The following HELLS variants were observed in gnomAD, a reference collection of about 807,000 sequenced individuals.
The protein encoded by HELLS is helicase, lymphoid specific, also known as lymphoid-specific helicase.
HELLS carries 32 observed loss-of-function variants against 120.0 expected under a neutral mutation model. That is an observed-to-expected ratio of 0.27 (90% CI 0.20 to 0.36). The LOEUF is 0.36. Among genes scored for constraint, HELLS ranks in the 10% least tolerant of loss-of-function variants. The pLI, the probability that HELLS is intolerant of heterozygous loss-of-function variation, is 1.00. For missense variants in HELLS, 650 were observed against 993.4 expected (o/e 0.65, Z 4.65); for synonymous variants, 341 against 323.4 (o/e 1.05, Z -0.58).
chr10:94,546,350 C>A, intron 1 of HELLS, 27 bp from the exon 2 acceptor site: 1 of 1,613,564 alleles, frequency 6.2e-7, no homozygotes, highest in East Asian at 2.2e-5. Context: ...TTTAAAACTG[C>A]AATTTGAAAG....
At chr10:94,599,609 A>T (rs189111061) in intron 21 of HELLS, among the ~76,000 whole-genome samples, 37 of 152,312 alleles carry the variant, frequency 2.4e-4, no homozygotes, top group African/African-American at 8.4e-4. Flanking sequence ...TGTCTGCCTC[A>T]TCCTCCTAAA....
intron 3 of HELLS, among the ~76,000 whole-genome samples, chr10:94,557,488 T>C (rs1394803388): frequency 6.6e-6 from 1 of 152,214 alleles, no homozygotes; most frequent in Non-Finnish European, 1.5e-5. Context: ...AGGAATAAGT[T>C]GATCCCTTTT....
chr10:94,558,893 G>A (rs983004586), intron 4 of HELLS, among the ~76,000 whole-genome samples: 4 of 152,100 alleles, frequency 2.6e-5, no homozygotes, highest in Admixed American at 6.6e-5. Context: ...GAGCCACCAC[G>A]CCCAGCCTGT....
At chr10:94,576,972 ATGAT>A (rs1844522835) in intron 10 of HELLS, 167 bp downstream of exon 10, 4 of 612,708 alleles carry the variant, frequency 6.5e-6, no homozygotes, top group Middle Eastern at 5.1e-4. Flanking sequence ...TATTAACAGA[ATGAT>A]TGGGATGAAG....
chr10:94,558,091 T>TA (rs1318556472), intron 3 of HELLS, 48 bp from the exon 4 acceptor site: 2 of 1,540,152 alleles, frequency 1.3e-6, no homozygotes, highest in East Asian at 2.4e-5. Flanking sequence ...GTTTTTTTTT[T>TA]AAATGTTGCA....
chr10:94,561,055 CAA>C (rs1204575500), intron 4 of HELLS, among the ~76,000 whole-genome samples: 1 of 119,662 alleles, frequency 8.4e-6, no homozygotes, highest in African/African-American at 3.1e-5. Context: ...GACTCTGTCT[CAA>C]AAAAAAAAAC....
rs1844311821 is a variant in HELLS at position 94,573,973 on chromosome 10, C to T, written c.491C>T (p.Ser164Phe). The T allele has an allele frequency of 6.2e-7, 1 of 1,601,834 alleles. No individual in the cohort carries two copies. The highest frequency in any genetic ancestry group is 8.5e-7 in the Non-Finnish European group (1 of 1,169,870). Residue 164 changes from serine (S) to phenylalanine (F), a missense_variant, in exon 8 of 22, where the codon TCC becomes TTC. By Grantham distance (155) the Ser-to-Phe change is radical. This residue lies in a region of HELLS where 113 missense variants were observed against 120.7 expected (regional missense o/e 0.94). Coordinates refer to ENST00000348459, the MANE Select transcript of HELLS (RefSeq NM_018063.5). The part of the protein sequence containing the change: ...NKKENEDENS[S>F]STNLCVEDLQ... ...TTTTCTCTACAGGATGAAAACTCCTCCTCTACTAATCTCTGTGTGGAAGAT... is the reference window on the plus strand; with the variant it reads ...TTTTCTCTACAGGATGAAAACTCCTTCTCTACTAATCTCTGTGTGGAAGAT...
chr10:94,549,131 C>T (rs1842869218), intron 2 of HELLS, among the ~76,000 whole-genome samples: 1 of 152,126 alleles, frequency 6.6e-6, no homozygotes, highest in Admixed American at 6.6e-5. Context: ...GCACTGGACC[C>T]TCATAAAAAG....
intron 3 of HELLS, among the ~76,000 whole-genome samples, chr10:94,557,735 C>T (rs958428521): frequency 1.3e-5 from 2 of 152,178 alleles, no homozygotes; most frequent in African/African-American, 2.4e-5. Context: ...CCTGGGAATG[C>T]TACTGCTCTT....
Position 94,597,062 on chromosome 10 carries a change from C to A in HELLS, c.2373C>A (p.Val791=), listed in dbSNP as rs976581348. The A allele has an allele frequency of 3.1e-6, 5 of 1,596,802 alleles. No individual in the cohort carries two copies. The highest frequency in any genetic ancestry group is 3.3e-5 in the Admixed American group (2 of 59,816). Residue 791 remains valine, a synonymous_variant, in exon 21 of 22, where the codon GTC becomes GTA. Transcript: ENST00000348459. ...AAATAAAAGGATCAAGAGAGAAGGTCATTAGTGATAAAGATCTAGAGTTGT... is the reference window on the plus strand; with the variant it reads ...AAATAAAAGGATCAAGAGAGAAGGTAATTAGTGATAAAGATCTAGAGTTGT... ...EREIKGSREK[V]ISDKDLELLL...
downstream of HELLS, among the ~76,000 whole-genome samples, chr10:94,603,849 T>A (rs749103761): frequency 6.6e-6 from 1 of 152,156 alleles, no homozygotes; most frequent in African/African-American, 2.4e-5. Flanking sequence ...TTCCCCTTTT[T>A]TTGAGTCTCG....
intron 6 of HELLS, among the ~76,000 whole-genome samples, chr10:94,568,059 G>A (rs990026207): frequency 6.6e-6 from 1 of 151,868 alleles, no homozygotes; most frequent in African/African-American, 2.4e-5. Context: ...ACAGGCACAC[G>A]TCACCACGCC....
chr10:94,600,802 T>C (rs965425224), intron 21 of HELLS, among the ~76,000 whole-genome samples: 2 of 152,206 alleles, frequency 1.3e-5, no homozygotes, highest in Non-Finnish European at 2.9e-5. Context: ...ACAAATTATA[T>C]GATAGGTTTC....
chr10:94,582,939 A>T, intron 11 of HELLS, 24 bp from the exon 12 acceptor site: 1 of 1,317,094 alleles, frequency 7.6e-7, no homozygotes, highest in Non-Finnish European at 1.1e-6. Context: ...TGTGATGGTT[A>T]ACTTAAACAT....
At chr10:94,592,160 A>T (rs1845519464) in intron 15 of HELLS, 69 bp from the exon 16 acceptor site, 1 of 1,208,250 alleles carries the variant, frequency 8.3e-7, no homozygotes, top group Admixed American at 2.3e-5. Context: ...AACTTTCCAA[A>T]TGGCTTTTGT....
intron 10 of HELLS, among the ~76,000 whole-genome samples, chr10:94,578,174 C>A (rs555514389): frequency 2.0e-3 from 298 of 151,244 alleles, no homozygotes; most frequent in Non-Finnish European, 2.5e-3. Context: ...GTGGAGGTTG[C>A]AGTGAGCTGT....
intron 3 of HELLS, chr10:94,557,323 T>C (rs1274916144): frequency 9.4e-6 from 2 of 212,382 alleles, no homozygotes; most frequent in Non-Finnish European, 2.0e-5. Flanking sequence ...ACCCTTTTAT[T>C]ACTTTTTTAT....
At chr10:94,551,982 G>A (rs11188016) in intron 2 of HELLS, among the ~76,000 whole-genome samples, 55,969 of 151,792 alleles carry the variant, frequency 0.37, 10,890 homozygotes, top group East Asian at 0.68. Flanking sequence ...CTCGGGATCC[G>A]CCCGCCTCAG....
chr10:94,551,332 AGGCTGAGGCAGGT>A (rs1842972126), intron 2 of HELLS, among the ~76,000 whole-genome samples: 1 of 152,094 alleles, frequency 6.6e-6, no homozygotes, highest in African/African-American at 2.4e-5. Flanking sequence ...GCACTTTGGG[AGGCTGAGGCAGGT>A]GGACCACGAG....
Sources: allele counts gnomAD v4.1 joint callset (sites outside exome capture counted in the v4.1 genomes callset), GRCh38; gene constraint gnomAD v4.1.1; regional missense constraint gnomAD v4.1.1; transcripts MANE v1.5; gene names NCBI Gene and HGNC (gene_info 2026-07-23, HGNC 2026-07-21).